Variants in PCDHGA2 observed in about 807,000 individuals in gnomAD.
The protein encoded by PCDHGA2 is protocadherin gamma subfamily A, 2.
Under a neutral mutation model 59.2 loss-of-function variants are expected in PCDHGA2, and 40 were observed. The observed-to-expected ratio is 0.68, with a 90% confidence interval of 0.52 to 0.88. PCDHGA2 has a LOEUF of 0.88. PCDHGA2 is among the 40% of genes least tolerant of loss of function. The pLI, the probability that PCDHGA2 is intolerant of heterozygous loss-of-function variation, is 0.00. For missense variants in PCDHGA2, 1,226 were observed against 1,204.0 expected, an observed-to-expected ratio of 1.02 and a Z score of -0.27; for synonymous variants, 560 against 526.0, an observed-to-expected ratio of 1.06 and a Z score of -0.89.
intron 1 of PCDHGA2, chr5:141,385,051 C>A (rs1222079447): frequency 6.2e-7 from 1 of 1,614,154 alleles, no homozygotes; most frequent in East Asian, 2.2e-5. Flanking sequence ...CAGGCTGCGG[C>A]GCTGGCACAA....
intron 1 of PCDHGA2, chr5:141,441,731 C>G: frequency 2.8e-6 from 1 of 362,226 alleles, no homozygotes; most frequent in South Asian, 2.2e-5. Context: ...GCGACCAGGA[C>G]TAGCTCGCGC....
chr5:141,404,909 CCT>C (rs1243432357), intron 1 of PCDHGA2: 1 of 1,613,798 alleles, frequency 6.2e-7, no homozygotes, highest in Admixed American at 1.7e-5. Flanking sequence ...TGGCCAGCCC[CCT>C]CTCTCGGCCA....
chr5:141,466,016 G>A (rs1592991828), intron 1 of PCDHGA2, among the ~76,000 whole-genome samples: 2 of 152,032 alleles, frequency 1.3e-5, no homozygotes, highest in East Asian at 3.9e-4. Flanking sequence ...CAGCTACTCG[G>A]GAGGGTGAGG....
At chr5:141,464,218 T>C (rs1464478430) in intron 1 of PCDHGA2, among the ~76,000 whole-genome samples, 1 of 150,958 alleles carries the variant, frequency 6.6e-6, no homozygotes, top group Non-Finnish European at 1.5e-5. Flanking sequence ...TGAGCTGAGA[T>C]TGCGCCACTG....
At chr5:141,351,248 C>T in intron 1 of PCDHGA2, 1 of 1,613,944 alleles carries the variant, frequency 6.2e-7, no homozygotes, top group Non-Finnish European at 8.5e-7. Context: ...CTGTAATGTT[C>T]AAATAGAAAT....
chr5:141,344,150 A>G (rs1561487249), intron 1 of PCDHGA2: 1 of 1,614,042 alleles, frequency 6.2e-7, no homozygotes, highest in Non-Finnish European at 8.5e-7. Flanking sequence ...CTGAGGAGCT[A>G]GATAAAGGTT....
intron 1 of PCDHGA2, chr5:141,385,668 C>G (rs2090319612): frequency 2.3e-6 from 1 of 428,688 alleles, no homozygotes; most frequent in African/African-American, 2.1e-5. Flanking sequence ...AGGAATAAAA[C>G]ACACCTCAGC....
Position 141,340,516 on chromosome 5 carries a change from T to C in PCDHGA2, c.1545T>C (p.Tyr515=), listed in dbSNP as rs1226835198. ...TCAACTCCGACACTGGAGTACTCTA[T>C]GCACTGCGCTCCTTTGATTATGAGC... ...ISINSDTGVL[Y]ALRSFDYEQL... is the part of the protein sequence containing the mutation. Residue 515 remains tyrosine (Y), a synonymous_variant, in exon 1 of 4, where the codon TAT becomes TAC. Coordinates refer to ENST00000394576, the MANE Select transcript of PCDHGA2 (RefSeq NM_018915.4). 2.5e-6 allele frequency: 4 copies of C among 1,614,126 alleles called. No individual in the cohort carries two copies. The highest frequency in any genetic ancestry group is 1.1e-5 in the South Asian group (1 of 91,084).
chr5:141,426,275 G>A (rs531044481), intron 1 of PCDHGA2: 2 of 164,168 alleles, frequency 1.2e-5, no homozygotes, highest in East Asian at 1.6e-4. Context: ...CTGCAGCAAC[G>A]CATGGGAAGG....
At chr5:141,376,530 G>A (rs200613052) in intron 1 of PCDHGA2, 1 of 1,613,668 alleles carries the variant, frequency 6.2e-7, no homozygotes, top group Admixed American at 1.7e-5. Context: ...CCGCCTAAGC[G>A]GGAAGAGTAA....
intron 1 of PCDHGA2, chr5:141,375,000 A>AC (rs1771024393): frequency 6.2e-7 from 1 of 1,613,928 alleles, no homozygotes; most frequent in Non-Finnish European, 8.5e-7. Context: ...ACTTCTGCAA[A>AC]TCTAGACTAT....
intron 1 of PCDHGA2, chr5:141,423,556 G>A (rs926962652): frequency 2.5e-6 from 4 of 1,613,550 alleles, no homozygotes; most frequent in African/African-American, 2.7e-5. Flanking sequence ...GCCCAACTAT[G>A]GGGACACGCT....
intron 1 of PCDHGA2, chr5:141,355,288 C>A (rs73265823): frequency 6.2e-7 from 1 of 1,613,718 alleles, no homozygotes; most frequent in African/African-American, 1.3e-5. Flanking sequence ...CAGGGCCGAA[C>A]AGATTCTCTA....
intron 1 of PCDHGA2, among the ~76,000 whole-genome samples, chr5:141,472,991 AAAAAAAGAAAGAAAAAG>A (rs2099310051): frequency 6.6e-6 from 1 of 151,894 alleles, no homozygotes; most frequent in Admixed American, 6.6e-5. Flanking sequence ...AAAAAAAAAA[AAAAAAAGAAAGAAAAAG>A]AAAAAGAAAG....
chr5:141,409,715 G>C (rs2095305446), intron 1 of PCDHGA2: 9 of 1,613,084 alleles, frequency 5.6e-6, no homozygotes, highest in Admixed American at 1.7e-5. Flanking sequence ...GTCGTCATAC[G>C]TGTCAGTGAG....
At chr5:141,465,978 C>T (rs568961720) in intron 1 of PCDHGA2, among the ~76,000 whole-genome samples, 7 of 151,998 alleles carry the variant, frequency 4.6e-5, no homozygotes, top group South Asian at 2.1e-4. Context: ...AAAAATTAGC[C>T]GGGCATGGTG....
Position 141,421,230 on chromosome 5 carries a change from G to A in PCDHGA2, c.2425-73577G>A, listed in dbSNP as rs530853994. 1.9e-6 allele frequency: 3 copies of A among 1,590,132 alleles called. No individual in the cohort carries two copies. The East Asian group carries it at 6.7e-5, about 36-fold the overall frequency. The stretch of plus-strand genomic sequence containing the variant: ...GGAATATCGGCTTAGAGCCTGCCAT[G>A]GCGAATCGGCTACAGCGCGGGGACC... On this transcript the variant is annotated intron_variant, in intron 1 of 3. Coordinates refer to ENST00000394576, the MANE Select transcript of PCDHGA2 (RefSeq NM_018915.4).
chr5:141,375,275 G>C, intron 1 of PCDHGA2: 3 of 1,613,902 alleles, frequency 1.9e-6, no homozygotes, highest in Non-Finnish European at 1.7e-6. Context: ...GGAAAAATCA[G>C]TTGGCAATTA....
intron 1 of PCDHGA2, 95 bp downstream of exon 1, chr5:141,341,490 G>A: frequency 6.4e-7 from 1 of 1,567,256 alleles, no homozygotes; most frequent in Non-Finnish European, 8.6e-7. Flanking sequence ...ATATTTCCTT[G>A]AGGGTAGAGT....
Sources: allele counts gnomAD v4.1 joint callset (sites outside exome capture counted in the v4.1 genomes callset), GRCh38; gene constraint gnomAD v4.1.1; transcripts MANE v1.5; gene names NCBI Gene and HGNC (gene_info 2026-07-23, HGNC 2026-07-21).